The following LMF1 variants were observed in gnomAD, a reference collection of about 807,000 sequenced individuals.
LMF1 encodes the protein lipase maturation factor 1.
In LMF1, 68 loss-of-function variants were observed where a neutral mutation model predicts 60.6. The observed-to-expected ratio is 1.12, with a 90% CI of 0.92 to 1.37. The LOEUF (loss-of-function observed/expected upper bound fraction) is 1.37, where lower values mean the gene tolerates loss of function less well. Among genes scored for constraint, LMF1 ranks in the 40% most tolerant of loss-of-function variants. The probability of loss-of-function intolerance (pLI) is 0.00; values close to 1 mark genes in which losing one functional copy is unlikely to be tolerated. For missense variants in LMF1, 948 were observed against 767.2 expected, an observed-to-expected ratio of 1.24 and a Z score of -2.78; for synonymous variants, 418 against 324.7, an observed-to-expected ratio of 1.29 and a Z score of -3.09.
Position 868,926 on chromosome 16 carries a change from G to C in LMF1, c.1529+18C>G. Reference sequence around the variant, plus strand: ...ATTTGGGGGAGACCCCTGAGCAGCGGCAGGGAGGGCATCCTACCTGGGCGG... The same window carrying C: ...ATTTGGGGGAGACCCCTGAGCAGCGCCAGGGAGGGCATCCTACCTGGGCGG... On this transcript the variant is annotated intron_variant, in intron 10 of 10. Coordinates refer to ENST00000262301, the MANE Select transcript of LMF1 (RefSeq NM_022773.4). 1 of 1,496,258 alleles carries C rather than the reference G, an allele frequency of 6.7e-7. No individual in the cohort carries two copies. The highest frequency in any genetic ancestry group is 9.3e-7 in the Non-Finnish European group (1 of 1,076,508). 92.7% of individuals were successfully genotyped at this position (1,496,258 alleles called of 1,614,324 possible).
chr16:948,562 A>G (rs1471160591), intron 2 of LMF1, among the ~76,000 whole-genome samples: 2 of 151,812 alleles, frequency 1.3e-5, no homozygotes, highest in Admixed American at 1.3e-4. Context: ...ACACAGCGAC[A>G]GAGTTAGAGA....
chr16:868,267 C>T (rs986317332), intron 10 of LMF1, among the ~76,000 whole-genome samples: 1 of 152,132 alleles, frequency 6.6e-6, no homozygotes, highest in African/African-American at 2.4e-5. Flanking sequence ...CCATCCCTGC[C>T]TCCTGCTCCT....
At chr16:886,538 C>T (rs1429540822) in intron 5 of LMF1, among the ~76,000 whole-genome samples, 1 of 147,272 alleles carries the variant, frequency 6.8e-6, no homozygotes, top group Non-Finnish European at 1.5e-5. Flanking sequence ...CACCCGAGAC[C>T]CCCGACATTC....
intron 1 of LMF1, chr16:976,570 T>G (rs1350540918): frequency 2.0e-5 from 9 of 453,910 alleles, no homozygotes; most frequent in South Asian, 1.2e-4. Context: ...CTAGGGATGT[T>G]TTGGGGCTGC....
intron 5 of LMF1, chr16:883,838 T>C (rs909096550): frequency 6.6e-5 from 10 of 152,260 alleles, no homozygotes; most frequent in African/African-American, 1.4e-4. Flanking sequence ...ACTTTGATTG[T>C]AGTTTGATTG....
Position 887,654 on chromosome 16 carries a change from C to T in LMF1, c.729+5353G>A, listed in dbSNP as rs145767719. 1.6e-4 allele frequency among the ~76,000 whole-genome samples: 24 copies of T among 152,252 alleles called. 1 individual carries two copies. In the East Asian group the frequency reaches 4.5e-3, roughly 28 times the overall value. On this transcript the variant is annotated intron_variant, in intron 5 of 10. Transcript: ENST00000262301. ...CCAGAGAGGGCTGCTCTGTGTGGTC[C>T]GCCCCACGCAGAGTGCGCGCTCCTA...
chr16:903,788 C>G (rs370113785), intron 4 of LMF1: 1,408 of 91,662 alleles, frequency 0.015, no homozygotes, highest in East Asian at 0.045. Flanking sequence ...GTGGTGACCT[C>G]TGCACTGCCT....
intron 3 of LMF1, among the ~76,000 whole-genome samples, chr16:920,240 C>T (rs1285888945): frequency 1.3e-5 from 2 of 152,224 alleles, no homozygotes; most frequent in Non-Finnish European, 2.9e-5. Flanking sequence ...TCCACACCGG[C>T]CCCAGCCCGT....
chr16:965,699 T>C lies in LMF1; in HGVS notation c.193+5089A>G, dbSNP rs533293661. ...GAATCCACCAGCAAACAGGAAGGCA[T>C]GAGCAGCCCAGGAAGTATGAACACA... On this transcript the variant is annotated intron_variant, in intron 1 of 10. Transcript: ENST00000262301. Among the ~76,000 whole-genome samples, 3 of 152,234 alleles carry C rather than the reference T, an allele frequency of 2.0e-5. No homozygotes were observed. In the East Asian group the frequency reaches 5.8e-4, roughly 29 times the overall value.
chr16:867,024 G>A (rs1275325143), intron 10 of LMF1, among the ~76,000 whole-genome samples: 10 of 152,164 alleles, frequency 6.6e-5, no homozygotes, highest in Non-Finnish European at 2.9e-5. Flanking sequence ...GTAAGTGTCT[G>A]TTCCATCTTC....
intron 2 of LMF1, among the ~76,000 whole-genome samples, chr16:945,705 G>A (rs1311765547): frequency 1.3e-5 from 2 of 152,192 alleles, no homozygotes; most frequent in East Asian, 3.8e-4. Flanking sequence ...GAAGTAGAAG[G>A]CATTGGCAGA....
chr16:935,002 C>T (rs926075349), intron 2 of LMF1, among the ~76,000 whole-genome samples: 2 of 152,120 alleles, frequency 1.3e-5, no homozygotes, highest in Non-Finnish European at 2.9e-5. Flanking sequence ...CCACACCTGA[C>T]GTAGAAGGCA....
intron 3 of LMF1, among the ~76,000 whole-genome samples, chr16:919,609 G>A (rs2071378825): frequency 1.5e-5 from 1 of 65,206 alleles, no homozygotes; most frequent in African/African-American, 1.4e-4. Context: ...CGTCTGGACC[G>A]CAGTCTCATG....
intron 1 of LMF1, chr16:977,041 C>T (rs778363131): frequency 8.8e-6 from 4 of 454,058 alleles, no homozygotes; most frequent in Admixed American, 2.3e-5. Context: ...TGCAGGCAGA[C>T]GTAAGCTGCA....
intron 5 of LMF1, chr16:883,644 C>CTGTA (rs2070227953): frequency 6.6e-6 from 1 of 152,228 alleles, no homozygotes; most frequent in Non-Finnish European, 1.5e-5. Context: ...CTCCTCACAT[C>CTGTA]CTGGAGAGGT....
chr16:860,388 G>A (rs2069424575), intron 10 of LMF1, among the ~76,000 whole-genome samples: 1 of 151,094 alleles, frequency 6.6e-6, no homozygotes, highest in Admixed American at 6.6e-5. Flanking sequence ...TGCCCAGGCT[G>A]GAGTGTGGTG....
upstream of LMF1, among the ~76,000 whole-genome samples, chr16:974,712 C>T (rs966373730): frequency 4.6e-5 from 7 of 152,202 alleles, no homozygotes; most frequent in African/African-American, 1.4e-4. Context: ...AGCTGCGGGC[C>T]GGCTTCAGGG....
chr16:956,524 G>A (rs1042542290), intron 1 of LMF1, among the ~76,000 whole-genome samples: 2 of 152,212 alleles, frequency 1.3e-5, no homozygotes, highest in African/African-American at 4.8e-5. Context: ...AAAGAAAGTG[G>A]AAGTGGCTCT....
chr16:979,922 G>A (rs1596194001), intron 1 of LMF1: 1 of 366,044 alleles, frequency 2.7e-6, no homozygotes, highest in East Asian at 7.5e-5. Flanking sequence ...GGAAGGATGC[G>A]GGGACCCCGA....
Sources: allele counts gnomAD v4.1 joint callset (sites outside exome capture counted in the v4.1 genomes callset), GRCh38; gene constraint gnomAD v4.1.1; transcripts MANE v1.5; gene names NCBI Gene and HGNC (gene_info 2026-07-23, HGNC 2026-07-21).